The following FILIP1L variants were observed in gnomAD, a reference collection of about 807,000 sequenced individuals.
FILIP1L encodes filamin A-interacting protein 1-like.
Under a neutral mutation model 96.6 loss-of-function variants are expected in FILIP1L, and 55 were observed. That is an observed-to-expected ratio of 0.57 (90% CI 0.46 to 0.71). The LOEUF (loss-of-function observed/expected upper bound fraction) is 0.71, where lower values mean the gene tolerates loss of function less well. Ranked by LOEUF, FILIP1L falls within the 30% of genes least tolerant of loss-of-function variation. The pLI is 0.00. For synonymous variants in FILIP1L, 467 were observed against 473.9 expected, an observed-to-expected ratio of 0.99 and a Z score of 0.19; for missense variants, 1,304 against 1,321.2, an observed-to-expected ratio of 0.99 and a Z score of 0.20.
intron 1 of FILIP1L, among the ~76,000 whole-genome samples, chr3:100,024,374 C>T (rs1240417525): frequency 2.0e-5 from 3 of 151,998 alleles, no homozygotes; most frequent in Admixed American, 6.6e-5. Context: ...AAATTTTGGC[C>T]CCTATAGAGC....
chr3:99,898,886 G>A (rs559729226), intron 4 of FILIP1L: 2 of 152,110 alleles, frequency 1.3e-5, no homozygotes, highest in African/African-American at 4.8e-5. Context: ...ATTGAATGAG[G>A]TATATTGCAT....
intron 4 of FILIP1L, among the ~76,000 whole-genome samples, chr3:99,921,786 C>T (rs1364620854): frequency 1.3e-5 from 2 of 152,128 alleles, no homozygotes; most frequent in Non-Finnish European, 2.9e-5. Flanking sequence ...TTTCAAAATA[C>T]TATTCTTCAT....
At position 100,022,770 on chromosome 3, in the gene FILIP1L, A is replaced by G. The variant is rs1044692349; in HGVS notation, c.-11+91283T>C. On this transcript the variant is annotated intron_variant, in intron 1 of 5. Transcript: ENST00000477258. ...TTCCCATGGTTATTTTCTGCTGCCC[A>G]GTTGTTATTTGTACTTATTTAAAAA... is the stretch of plus-strand genomic sequence containing the variant. Among the ~76,000 whole-genome samples the G allele has an allele frequency of 2.0e-5, 3 of 152,106 alleles. No individual in the cohort carries two copies. In the South Asian group the frequency reaches 6.2e-4, roughly 32 times the overall value.
At chr3:99,952,163 T>C (rs776719556) in intron 1 of FILIP1L, among the ~76,000 whole-genome samples, 14 of 151,970 alleles carry the variant, frequency 9.2e-5, no homozygotes, top group Non-Finnish European at 1.5e-4. Flanking sequence ...CTCCTATAGA[T>C]GTGTTTTTTT....
At chr3:99,847,321 GGAAAAAGAAACAAGAATGACA>G (rs1943409304) in intron 5 of FILIP1L, among the ~76,000 whole-genome samples, 1 of 150,548 alleles carries the variant, frequency 6.6e-6, no homozygotes, top group African/African-American at 2.4e-5. Flanking sequence ...GAACCCCATA[GGAAAAAGAAACAAGAATGACA>G]TTTTCTTTTT....
chr3:100,002,609 A>G (rs1475967644), intron 1 of FILIP1L, among the ~76,000 whole-genome samples: 1 of 152,216 alleles, frequency 6.6e-6, no homozygotes, highest in African/African-American at 2.4e-5. Flanking sequence ...TTAAAACCAA[A>G]TGCATATCTG....
chr3:100,062,294 G>A (rs2065586318), intron 1 of FILIP1L, among the ~76,000 whole-genome samples: 2 of 151,344 alleles, frequency 1.3e-5, no homozygotes, highest in African/African-American at 4.9e-5. Context: ...TGTATTTTTA[G>A]TGGAGACGAG....
At chr3:100,019,232 C>A (rs905517155) in intron 1 of FILIP1L, among the ~76,000 whole-genome samples, 1 of 152,160 alleles carries the variant, frequency 6.6e-6, no homozygotes, top group African/African-American at 2.4e-5. Context: ...TATGGTGGCA[C>A]ATGTCTAGTT....
At chr3:100,097,318 A>C (rs1367479798) in intron 1 of FILIP1L, among the ~76,000 whole-genome samples, 1 of 152,224 alleles carries the variant, frequency 6.6e-6, no homozygotes, top group African/African-American at 2.4e-5. Context: ...CCACTGTTGT[A>C]TTAGATATTG....
chr3:99,974,052 A>C (rs563825097), intron 1 of FILIP1L, among the ~76,000 whole-genome samples: 1 of 152,354 alleles, frequency 6.6e-6, no homozygotes, highest in African/African-American at 2.4e-5. Flanking sequence ...AAGAACAAGA[A>C]GGTTTTCTGA....
chr3:99,858,177 T>C (rs1348425295), intron 4 of FILIP1L, among the ~76,000 whole-genome samples: 1 of 152,130 alleles, frequency 6.6e-6, no homozygotes, highest in Admixed American at 6.5e-5. Context: ...TTAAAAATAC[T>C]CATTAGTGCC....
chr3:100,065,654 C>T (rs1422456741), intron 1 of FILIP1L, among the ~76,000 whole-genome samples: 2 of 150,506 alleles, frequency 1.3e-5, no homozygotes, highest in African/African-American at 4.9e-5. Context: ...CCATAGTTGT[C>T]ACCATTATAA....
intron 1 of FILIP1L, among the ~76,000 whole-genome samples, chr3:100,103,244 C>T (rs74873450): frequency 0.017 from 2,524 of 152,308 alleles, 41 homozygotes; most frequent in Middle Eastern, 0.027. Flanking sequence ...ATGGAGAAGG[C>T]AGCAGCTCAC....
chr3:100,033,696 G>A (rs1435043499), intron 1 of FILIP1L, among the ~76,000 whole-genome samples: 5 of 152,034 alleles, frequency 3.3e-5, no homozygotes, highest in Non-Finnish European at 5.9e-5. Flanking sequence ...GTGCCTCTTT[G>A]ACAATTCAGA....
At chr3:99,863,190 A>G (rs2107560847) in intron 4 of FILIP1L, among the ~76,000 whole-genome samples, 1 of 152,260 alleles carries the variant, frequency 6.6e-6, no homozygotes, top group Non-Finnish European at 1.5e-5. Flanking sequence ...AGATTCTCAT[A>G]AGGAGCATGC....
chr3:100,038,028 C>G (rs1278876789), intron 1 of FILIP1L, among the ~76,000 whole-genome samples: 1 of 150,172 alleles, frequency 6.7e-6, no homozygotes, highest in East Asian at 2.0e-4. Context: ...AATCTCGGCT[C>G]ACTGCAACCT....
chr3:99,989,305 A>G (rs1307501966), intron 1 of FILIP1L, among the ~76,000 whole-genome samples: 6 of 152,206 alleles, frequency 3.9e-5, no homozygotes, highest in Admixed American at 2.0e-4. Context: ...TCTTGACTGC[A>G]TGTCTAGGAT....
intron 1 of FILIP1L, among the ~76,000 whole-genome samples, chr3:99,991,895 T>C (rs1218730027): frequency 6.7e-6 from 1 of 149,840 alleles, no homozygotes; most frequent in Non-Finnish European, 1.5e-5. Flanking sequence ...TATATATGTG[T>C]GTATATATAT....
chr3:99,990,388 G>A (rs1424545031), intron 1 of FILIP1L, among the ~76,000 whole-genome samples: 3 of 152,178 alleles, frequency 2.0e-5, no homozygotes, highest in Non-Finnish European at 2.9e-5. Context: ...AGCTTACATT[G>A]AGAGCCCTAT....
Sources: gnomAD v4.1 joint callset for allele counts (sites outside exome capture counted in the v4.1 genomes callset) on GRCh38, gnomAD v4.1.1 for gene constraint, MANE v1.5 for transcripts, NCBI Gene and HGNC (gene_info 2026-07-23, HGNC 2026-07-21) for gene names.